Variants in CDH13 observed in about 807,000 individuals in gnomAD.
CDH13 encodes cadherin-13.
CDH13 carries 24 observed loss-of-function variants against 63.8 expected under a neutral mutation model. The ratio of observed to expected loss-of-function variants is 0.38; its 90% CI spans 0.27 to 0.53. The LOEUF (loss-of-function observed/expected upper bound fraction) is 0.53, where lower values mean the gene tolerates loss of function less well. Ranked by LOEUF, CDH13 falls within the 20% of genes least tolerant of loss-of-function variation. The pLI, the probability that CDH13 is intolerant of heterozygous loss-of-function variation, is 0.85. For synonymous variants in CDH13, 503 were observed against 355.3 expected (o/e 1.42, Z -4.67); for missense variants, 1,049 against 903.1 (o/e 1.16, Z -2.07).
At chr16:83,743,023 C>T (rs1912207922) in intron 10 of CDH13, among the ~76,000 whole-genome samples, 1 of 152,150 alleles carries the variant, frequency 6.6e-6, no homozygotes, top group African/African-American at 2.4e-5. Flanking sequence ...GCCTGGCCAA[C>T]TTGGTGAAAC....
intron 5 of CDH13, among the ~76,000 whole-genome samples, chr16:83,312,052 A>G (rs1031216991): frequency 1.4e-5 from 2 of 146,114 alleles, no homozygotes; most frequent in African/African-American, 5.2e-5. Flanking sequence ...AGCCTGGGCA[A>G]TAAAACTCCA....
At chr16:83,273,318 A>G (rs1032026667) in intron 5 of CDH13, among the ~76,000 whole-genome samples, 14 of 151,848 alleles carry the variant, frequency 9.2e-5, no homozygotes, top group African/African-American at 3.4e-4. Context: ...AGTTTTTTTC[A>G]ATCCTCTCCC....
chr16:82,844,286 G>C (rs2039156478), intron 1 of CDH13, among the ~76,000 whole-genome samples: 1 of 152,108 alleles, frequency 6.6e-6, no homozygotes, highest in Non-Finnish European at 1.5e-5. Context: ...TGACCTAGCT[G>C]GAGAAAACAC....
At chr16:83,139,432 C>G (rs945082205) in intron 4 of CDH13, among the ~76,000 whole-genome samples, 69 of 152,258 alleles carry the variant, frequency 4.5e-4, no homozygotes, top group African/African-American at 1.4e-3. Context: ...TACATTTCTT[C>G]TTAGTGATCT....
At chr16:83,321,525 A>ATTTTTTTTTTTT in intron 5 of CDH13, among the ~76,000 whole-genome samples, 1 of 103,650 alleles carries the variant, frequency 9.6e-6, no homozygotes, top group Non-Finnish European at 1.8e-5. Context: ...GAAATCTGGA[A>ATTTTTTTTTTTT]TTTTTTTTTT....
intron 5 of CDH13, among the ~76,000 whole-genome samples, chr16:83,297,992 C>A (rs2089641832): frequency 1.4e-5 from 2 of 147,924 alleles, no homozygotes; most frequent in African/African-American, 2.5e-5. Flanking sequence ...AGGAGGATTG[C>A]TTGAGCCCAG....
At chr16:83,013,067 G>A (rs572455025) in intron 2 of CDH13, among the ~76,000 whole-genome samples, 2 of 152,158 alleles carry the variant, frequency 1.3e-5, no homozygotes, top group Non-Finnish European at 2.9e-5. Context: ...CAGATCTCTT[G>A]CAAAATGCGA....
intron 2 of CDH13, among the ~76,000 whole-genome samples, chr16:82,940,504 T>C (rs1212254491): frequency 6.6e-6 from 1 of 152,216 alleles, no homozygotes; most frequent in African/African-American, 2.4e-5. Context: ...ATCAGTTTGA[T>C]GCCTTGTTCC....
intron 7 of CDH13, among the ~76,000 whole-genome samples, chr16:83,504,770 C>A (rs2074359370): frequency 6.6e-6 from 1 of 152,114 alleles, no homozygotes; most frequent in African/African-American, 2.4e-5. Context: ...TGCTTGGTGA[C>A]AAGAGTAGTG....
intron 5 of CDH13, among the ~76,000 whole-genome samples, chr16:83,267,638 C>T (rs149119590): frequency 3.3e-5 from 5 of 152,100 alleles, no homozygotes; most frequent in African/African-American, 2.4e-5. Context: ...AGGATGAGTT[C>T]GGCCCCCTTC....
chr16:82,703,345 A>C lies in CDH13; in HGVS notation c.45+76208A>C, dbSNP rs1461122260. 2.0e-5 allele frequency among the ~76,000 whole-genome samples: 3 copies of C among 152,156 alleles called. No homozygotes were observed. The East Asian group carries it at 5.8e-4, about 30-fold the overall frequency. On this transcript the variant is annotated intron_variant, in intron 1 of 13. Coordinates refer to ENST00000567109, the MANE Select transcript of CDH13 (RefSeq NM_001257.5). The stretch of plus-strand genomic sequence containing the variant: ...GCAGCTTCTCACTGTGAACCCTGAG[A>C]TGTTCTGCCTGAGTGCTTGTTCTAG...
chr16:83,146,362 G>C (rs2036751945), intron 4 of CDH13, among the ~76,000 whole-genome samples: 2 of 152,236 alleles, frequency 1.3e-5, no homozygotes, highest in Admixed American at 1.3e-4. Context: ...GTAGGGGTTT[G>C]TCTGTCTCAC....
intron 8 of CDH13, among the ~76,000 whole-genome samples, chr16:83,664,146 G>A (rs1297118879): frequency 6.6e-6 from 1 of 151,948 alleles, no homozygotes; most frequent in African/African-American, 2.4e-5. Context: ...AACAGAGCAA[G>A]ATCTGCTTCA....
At chr16:82,791,752 C>T (rs1171218362) in intron 1 of CDH13, among the ~76,000 whole-genome samples, 1 of 152,188 alleles carries the variant, frequency 6.6e-6, no homozygotes, top group Non-Finnish European at 1.5e-5. Context: ...AGGCTAAGTG[C>T]CTGGGTTCGT....
chr16:83,704,906 C>T (rs1182271983), intron 10 of CDH13, among the ~76,000 whole-genome samples: 1 of 152,196 alleles, frequency 6.6e-6, no homozygotes, highest in Non-Finnish European at 1.5e-5. Context: ...GGGCAGAGGC[C>T]AGTGCTCCCT....
At chr16:82,692,556 C>T (rs977951451) in intron 1 of CDH13, among the ~76,000 whole-genome samples, 1 of 152,182 alleles carries the variant, frequency 6.6e-6, no homozygotes, top group African/African-American at 2.4e-5. Context: ...TAATTTACCT[C>T]TCTCTTGTTC....
chr16:82,994,300 C>T (rs72792138), intron 2 of CDH13, among the ~76,000 whole-genome samples: 1 of 152,134 alleles, frequency 6.6e-6, no homozygotes, highest in Non-Finnish European at 1.5e-5. Context: ...CCTCCTCATC[C>T]TGACTTAGTA....
At chr16:83,632,942 G>T (rs1910914327) in intron 8 of CDH13, among the ~76,000 whole-genome samples, 1 of 151,632 alleles carries the variant, frequency 6.6e-6, no homozygotes, top group African/African-American at 2.4e-5. Context: ...AGACCATATA[G>T]GTAACTTCCT....
chr16:83,048,836 A>G (rs1037806637), intron 3 of CDH13, among the ~76,000 whole-genome samples: 1 of 152,238 alleles, frequency 6.6e-6, no homozygotes, highest in Middle Eastern at 3.4e-3. Flanking sequence ...AAATCTTCCC[A>G]GGCGAAACCA....
Sources: gnomAD v4.1 joint callset for allele counts (sites outside exome capture counted in the v4.1 genomes callset) on GRCh38, gnomAD v4.1.1 for gene constraint, MANE v1.5 for transcripts, NCBI Gene and HGNC (gene_info 2026-07-23, HGNC 2026-07-21) for gene names.